Variants in NEBL observed in about 807,000 individuals in gnomAD.
NEBL encodes the protein nebulette.
A neutral mutation model predicts 140.2 loss-of-function variants in NEBL; 122 were observed. The observed-to-expected ratio is 0.87, with a 90% confidence interval of 0.75 to 1.01. The LOEUF (loss-of-function observed/expected upper bound fraction) is 1.01, where lower values mean the gene tolerates loss of function less well. Among genes scored for constraint, NEBL ranks in the 50% least tolerant of loss-of-function variants. NEBL has a pLI of 0.00. For missense variants in NEBL, 1,365 were observed against 1,231.3 expected, an observed-to-expected ratio of 1.11 and a Z score of -1.62; for synonymous variants, 436 against 398.9, an observed-to-expected ratio of 1.09 and a Z score of -1.11.
At chr10:20,813,148 C>CA (rs1298033639) in intron 23 of NEBL, among the ~76,000 whole-genome samples, 1 of 151,410 alleles carries the variant, frequency 6.6e-6, no homozygotes, top group Admixed American at 6.6e-5. Flanking sequence ...AGTTTTTAAT[C>CA]ATTATAGCTC....
At chr10:21,113,257 C>A in intron 2 of NEBL, 1 of 257,116 alleles carries the variant, frequency 3.9e-6, no homozygotes, top group Non-Finnish European at 6.8e-6. Context: ...AGACTCAAAA[C>A]CATCAACACC....
intron 14 of NEBL, among the ~76,000 whole-genome samples, chr10:20,833,581 G>A (rs1840616614): frequency 6.6e-6 from 1 of 151,982 alleles, no homozygotes; most frequent in Non-Finnish European, 1.5e-5. Flanking sequence ...GGATGTGACT[G>A]GAAACCATTA....
intron 2 of NEBL, among the ~76,000 whole-genome samples, chr10:21,085,744 A>T (rs1407844715): frequency 6.8e-6 from 1 of 147,678 alleles, no homozygotes; most frequent in South Asian, 2.1e-4. Context: ...ATATGTGTTA[A>T]AGTAAAGTTT....
chr10:21,026,789 T>C (rs1833518300), intron 2 of NEBL, among the ~76,000 whole-genome samples: 1 of 152,220 alleles, frequency 6.6e-6, no homozygotes, highest in African/African-American at 2.4e-5. Context: ...GGCCCTTCTC[T>C]GGTGTCTGGG....
In NEBL at chr10:21,032,704, C is replaced by T. The variant is rs560345551; in HGVS notation, c.165-12503G>A. Among the ~76,000 whole-genome samples the T allele has an allele frequency of 9.9e-5, 15 of 152,240 alleles. No individual in the cohort carries two copies. In the South Asian group the frequency reaches 1.0e-3, roughly 11 times the overall value. ...ATTATGATAATGTAGGCCTCTCACA[C>T]GTGAAATACAAGCCCCAGCTGAAAG... On this transcript the variant is annotated intron_variant, in intron 2 of 6. Coordinates refer to the NEBL transcript ENST00000417816.
intron 2 of NEBL, among the ~76,000 whole-genome samples, chr10:21,115,195 C>G (rs1838225923): frequency 6.6e-6 from 1 of 151,898 alleles, no homozygotes; most frequent in Admixed American, 6.6e-5. Context: ...CCTTTTGCCC[C>G]TTCCTGGCCT....
intron 3 of NEBL, among the ~76,000 whole-genome samples, chr10:20,993,102 A>AGGGAG (rs1837532093): frequency 6.6e-6 from 1 of 152,216 alleles, no homozygotes; most frequent in African/African-American, 2.4e-5. Flanking sequence ...AAAGTCTTTT[A>AGGGAG]GGGAGTTTTT....
At chr10:20,841,189 G>A (rs560390139) in intron 12 of NEBL, among the ~76,000 whole-genome samples, 154 of 152,092 alleles carry the variant, frequency 1.0e-3, no homozygotes, top group Admixed American at 8.2e-3. Context: ...ATTTTTGAAA[G>A]TTCTATAAAA....
chr10:21,072,286 T>G (rs1376803249), intron 2 of NEBL, among the ~76,000 whole-genome samples: 1 of 152,086 alleles, frequency 6.6e-6, no homozygotes, highest in Non-Finnish European at 1.5e-5. Context: ...CTTTTCCAGT[T>G]CCGTCTTTTA....
At chr10:21,022,759 T>C (rs1288867742) in intron 2 of NEBL, among the ~76,000 whole-genome samples, 4 of 152,230 alleles carry the variant, frequency 2.6e-5, no homozygotes, top group African/African-American at 9.6e-5. Context: ...ACCCAAATCA[T>C]ACAAGATGAT....
chr10:21,142,839 T>C (rs116429640), intron 2 of NEBL, among the ~76,000 whole-genome samples: 186 of 152,188 alleles, frequency 1.2e-3, no homozygotes, highest in African/African-American at 4.1e-3. Context: ...AGATCTGAGG[T>C]GGGACAGTGT....
chr10:20,868,630 TA>T (rs769614130), intron 7 of NEBL, 33 bp downstream of exon 7: 3 of 1,374,746 alleles, frequency 2.2e-6, no homozygotes, highest in South Asian at 2.3e-5. Flanking sequence ...AATATCTGAA[TA>T]AAGTCATTGT....
intron 3 of NEBL, among the ~76,000 whole-genome samples, chr10:21,222,068 A>T (rs916331340): frequency 2.0e-5 from 3 of 151,962 alleles, no homozygotes; most frequent in African/African-American, 7.3e-5. Context: ...TGTTCATTTC[A>T]ACAGGTTTTA....
intron 3 of NEBL, among the ~76,000 whole-genome samples, chr10:21,229,541 T>C (rs1359379282): frequency 6.6e-6 from 1 of 152,260 alleles, no homozygotes; most frequent in African/African-American, 2.4e-5. Flanking sequence ...GAGCATGTTA[T>C]GTCTTACGAC....
chr10:21,031,598 C>T (rs1833796631), intron 2 of NEBL, among the ~76,000 whole-genome samples: 1 of 152,240 alleles, frequency 6.6e-6, no homozygotes, highest in Non-Finnish European at 1.5e-5. Flanking sequence ...AAGACCTCCT[C>T]CAATGCCTAG....
At chr10:21,247,971 C>G (rs1366528076) in exon 3 of NEBL, 8 of 231,662 alleles carry the variant, frequency 3.5e-5, no homozygotes, top group African/African-American at 1.6e-4. Context: ...GAGAGGATAC[C>G]CAAGATTCAG....
At chr10:20,875,050 T>TAC (rs1412060563) in intron 5 of NEBL, among the ~76,000 whole-genome samples, 2 of 152,224 alleles carry the variant, frequency 1.3e-5, no homozygotes, top group Non-Finnish European at 2.9e-5. Context: ...CACATTTTTC[T>TAC]ACAGTGCCAA....
intron 2 of NEBL, among the ~76,000 whole-genome samples, chr10:21,062,601 C>T (rs958604802): frequency 3.9e-5 from 6 of 152,034 alleles, no homozygotes; most frequent in Non-Finnish European, 5.9e-5. Context: ...ACAGGAGGAT[C>T]GCTTGAGCCC....
At chr10:20,899,511 C>A, upstream of NEBL, 1 of 974,944 alleles carries the variant, frequency 1.0e-6, no homozygotes, top group Non-Finnish European at 1.4e-6. Flanking sequence ...AAACCAAACA[C>A]CACGTGCAAT....
Sources: allele counts gnomAD v4.1 joint callset (sites outside exome capture counted in the v4.1 genomes callset), GRCh38; gene constraint gnomAD v4.1.1; transcripts MANE v1.5; gene names NCBI Gene and HGNC (gene_info 2026-07-23, HGNC 2026-07-21).